The following USP29 variants were observed in gnomAD, a reference collection of about 807,000 sequenced individuals.
The protein encoded by USP29 is ubiquitin specific peptidase 29.
For missense variants in USP29, 1,102 were observed against 1,069.0 expected, an observed-to-expected ratio of 1.03 and a Z score of -0.43; for synonymous variants, 386 against 387.4, an observed-to-expected ratio of 1.00 and a Z score of 0.04.
In USP29 at chr19:57,131,456, G is replaced by C. The variant is rs115181243; in HGVS notation, c.*12G>C. On this transcript the variant is annotated 3_prime_UTR_variant, in exon 4 of 4. Coordinates refer to ENST00000254181, the MANE Select transcript of USP29 (RefSeq NM_020903.3). ...ACAGACCTGCTTGACAGACTCACTC[G>C]GCCTCACTTCATCCTTGCAAAGAGA... is the stretch of plus-strand genomic sequence containing the variant. 6.3e-7 allele frequency: 1 copy of C among 1,587,740 alleles called. No individual in the cohort carries two copies. The highest frequency in any genetic ancestry group is 8.6e-7 in the Non-Finnish European group (1 of 1,168,264).
chr19:57,121,237 G>A (rs1179127934), intron 1 of USP29, among the ~76,000 whole-genome samples: 1 of 148,870 alleles, frequency 6.7e-6, no homozygotes, highest in Non-Finnish European at 1.5e-5. Context: ...TGTTACACGT[G>A]TTGAAAATGT....
chr19:57,128,377 T>C (rs907164862), intron 3 of USP29, among the ~76,000 whole-genome samples: 8 of 152,190 alleles, frequency 5.3e-5, no homozygotes, highest in Non-Finnish European at 1.2e-4. Context: ...CAACCAAATT[T>C]GTATTTTCTC....
Position 57,130,931 on chromosome 19 carries a change from T to C in USP29, c.2256T>C (p.Pro752=), listed in dbSNP as rs771450216. ...ATGAATTTCTTCAGCAGGCACCACC[T>C]CCAGGTGTTAGGAAGCTGGATGCCC... ...IIDEFLQQAP[P]PGVRKLDAQE... is the part of the protein sequence containing the mutation. The change falls in exon 4 of 4, where the codon CCT becomes CCC. Residue 752 remains proline (P), a synonymous_variant. Coordinates refer to ENST00000254181, the MANE Select transcript of USP29 (RefSeq NM_020903.3). 1.2e-6 allele frequency: 2 copies of C among 1,614,160 alleles called. No homozygotes were observed. Among genetic ancestry groups the C allele is most frequent in the Non-Finnish European group, 8.5e-7 (1 of 1,180,038 alleles).
Position 57,130,186 on chromosome 19 carries a change from C to T in USP29, c.1511C>T (p.Ser504Phe), listed in dbSNP as rs2086848858. The T allele has an allele frequency of 6.2e-7, 1 of 1,614,028 alleles. No individual in the cohort carries two copies. Residue 504 changes from serine to phenylalanine, a missense_variant, in exon 4 of 4, where the codon TCC (serine) becomes TTC (phenylalanine). Ser to Phe is a radical substitution (Grantham distance 155). Transcript: ENST00000254181. ...CVARHTFSRL[S>F]RVLIIHLKRY... ...GCAAGGCATACATTTAGTAGGCTCT[C>T]CAGGGTCCTTATCATTCATCTGAAA...
rs1208745140 is a variant in USP29 at position 57,122,446 on chromosome 19, TCCA to T, written c.-144_-142del. 1.3e-5 allele frequency: 2 copies of T among 151,470 alleles called. No homozygotes were observed. Among genetic ancestry groups the T allele is most frequent in the African/African-American group, 2.4e-5 (1 of 41,204 alleles). The allele number at this position is 151,470 out of a possible 1,614,324, so 9.4% of individuals were successfully genotyped here. A position where few individuals can be genotyped will look rare whatever the true frequency, so the allele number is the denominator to read the frequency against. On this transcript the variant is annotated 5_prime_UTR_variant, in exon 2 of 4. Transcript: ENST00000254181. ...CTCATTTCTGAAAAAAGAATTATCA[TCCA>T]CTCACCCAGAACAGCTCTCCAAACT... is the stretch of plus-strand genomic sequence containing the variant.
In USP29 at chr19:57,128,957, G is replaced by C; in HGVS notation, c.282G>C (p.Gln94His). Residue 94 changes from glutamine to histidine, a missense_variant, in exon 4 of 4, where the codon CAG becomes CAC. Gln to His is a conservative substitution (Grantham distance 24). Transcript: ENST00000254181. ...IDKLSYRDAK[Q>H]LNMFLDIIHQ... ...AATTATCCTACAGAGATGCTAAACA[G>C]TTGAATATGTTCCTGGACATAATCC... 1 of 1,614,114 alleles carries C rather than the reference G, an allele frequency of 6.2e-7. No individual in the cohort carries two copies. Among genetic ancestry groups the C allele is most frequent in the Non-Finnish European group, 8.5e-7 (1 of 1,180,020 alleles).
chr19:57,125,591 CT>C (rs957187452), intron 3 of USP29, among the ~76,000 whole-genome samples: 20 of 151,562 alleles, frequency 1.3e-4, no homozygotes, highest in African/African-American at 4.6e-4. Flanking sequence ...GCAACCCATC[CT>C]TTTTTTTGCT....
In USP29 at chr19:57,130,800, ACT is replaced by A. The variant is rs758710766; in HGVS notation, c.2126_2127del (p.Thr709ArgfsTer8). 2.5e-6 allele frequency: 4 copies of A among 1,614,206 alleles called. No individual in the cohort carries two copies. In the East Asian group the frequency reaches 8.9e-5, roughly 36 times the overall value. ...TFVEFNFDSVTESTNGFYDCK... is the reference protein window; with the variant it reads ...TFVEFNFDSVXESTNGFYDCK... ...CGTAGAGTTCAATTTTGACAGTGTC[ACT>A]GAGTCCACCAATGGCTTTTATGACT... On this transcript the variant is annotated frameshift_variant, in exon 4 of 4. Coordinates refer to ENST00000254181, the MANE Select transcript of USP29 (RefSeq NM_020903.3). LOFTEE classifies it low-confidence loss of function (END_TRUNC).
chr19:57,129,968 A>G lies in USP29; in HGVS notation c.1293A>G (p.Glu431=). 6.2e-7 allele frequency: 1 copy of G among 1,614,186 alleles called. No individual in the cohort carries two copies. The highest frequency in any genetic ancestry group is 8.5e-7 in the Non-Finnish European group (1 of 1,180,036). ...CTGTTGTTGCTAATTTTGAGTTTGA[A>G]TTGCAGCTCTCCCTTATTTGTAAAG... ...VCPVVANFEF[E]LQLSLICKAC... The change falls in exon 4 of 4, where the codon GAA becomes GAG. Residue 431 remains glutamate (E), a synonymous_variant. Transcript: ENST00000254181.
Position 57,130,712 on chromosome 19 carries a change from G to A in USP29, c.2037G>A (p.Glu679=), listed in dbSNP as rs2086853692. Residue 679 remains glutamate, a synonymous_variant, in exon 4 of 4, where the codon GAG becomes GAA. Transcript: ENST00000254181. Reference sequence around the variant, plus strand: ...GCAGCCCAGACACAAGGCTTGTCGAGGTTCATCTTCAAGAGGTGCCTCAAC... The same window carrying A: ...GCAGCCCAGACACAAGGCTTGTCGAAGTTCATCTTCAAGAGGTGCCTCAAC... The part of the protein sequence containing the change: ...LISSPDTRLV[E]VHLQEVPQHP... 1.2e-6 allele frequency: 2 copies of A among 1,614,038 alleles called. No homozygotes were observed. The highest frequency in any genetic ancestry group is 1.6e-4 in the Middle Eastern group (1 of 6,084).
chr19:57,124,754 C>G (rs972206727), intron 3 of USP29, among the ~76,000 whole-genome samples: 2 of 152,122 alleles, frequency 1.3e-5, no homozygotes, highest in African/African-American at 4.8e-5. Flanking sequence ...GGTGATCCAC[C>G]TGCCTCAGCC....
intron 2 of USP29, among the ~76,000 whole-genome samples, chr19:57,123,130 C>T (rs1053395898): frequency 1.3e-5 from 2 of 152,140 alleles, no homozygotes; most frequent in African/African-American, 4.8e-5. Context: ...GTTTCTTTAG[C>T]TGAGTGACTC....
intron 3 of USP29, among the ~76,000 whole-genome samples, chr19:57,128,177 C>T (rs759277323): frequency 3.3e-5 from 5 of 152,176 alleles, no homozygotes; most frequent in South Asian, 2.1e-4. Flanking sequence ...GCATTGGTCT[C>T]GCTGGGAGCT....
chr19:57,128,880 C>G lies in USP29; in HGVS notation c.205C>G (p.Gln69Glu). The change falls in exon 4 of 4, where the codon CAA becomes GAA. Residue 69 changes from glutamine to glutamate, a missense_variant. Coordinates refer to ENST00000254181, the MANE Select transcript of USP29 (RefSeq NM_020903.3). The stretch of plus-strand genomic sequence containing the variant: ...GGTCCTTAGACATTGTAAAAAAAGA[C>G]AAAGTCACCTGCGTTTAACTTTGAA... ...SVVLRHCKKR[Q>E]SHLRLTLKNN... 4 of 1,613,262 alleles carry G rather than the reference C, an allele frequency of 2.5e-6. No individual in the cohort carries two copies. Among genetic ancestry groups the G allele is most frequent in the Non-Finnish European group, 2.5e-6 (3 of 1,179,782 alleles).
chr19:57,130,397 C>T lies in USP29; in HGVS notation c.1722C>T (p.Asn574=), dbSNP rs1568456474. The part of the protein sequence containing the change: ...EVSQEMISEI[N]SPLTPSMKLT... ...CTCAGGAGATGATTTCTGAGATCAA[C>T]AGCCCATTGACACCATCAATGAAGC... is the stretch of plus-strand genomic sequence containing the variant. Residue 574 remains asparagine, a synonymous_variant, in exon 4 of 4, where the codon AAC becomes AAT. Coordinates refer to ENST00000254181, the MANE Select transcript of USP29 (RefSeq NM_020903.3). 6.2e-7 allele frequency: 1 copy of T among 1,614,198 alleles called. No homozygotes were observed. The highest frequency in any genetic ancestry group is 2.2e-5 in the East Asian group (1 of 44,880).
In USP29 at chr19:57,129,710, G is replaced by T. The variant is rs569760158; in HGVS notation, c.1035G>T (p.Lys345Asn). The change falls in exon 4 of 4, where the codon AAG becomes AAT. Residue 345 changes from lysine to asparagine, a missense_variant. Lys to Asn is a moderately conservative substitution (Grantham distance 94). Coordinates refer to ENST00000254181, the MANE Select transcript of USP29 (RefSeq NM_020903.3). Reference protein sequence around the residue: ...LLALKDFCSTKIKRELLGNVK... With the variant: ...LLALKDFCSTNIKRELLGNVK... ...CTTTGAAAGATTTCTGTAGTACAAA[G>T]ATCAAGAGAGAATTACTTGGGAATG... The T allele has an allele frequency of 6.2e-7, 1 of 1,613,760 alleles. No homozygotes were observed. Among genetic ancestry groups the T allele is most frequent in the African/African-American group, 1.3e-5 (1 of 74,880 alleles).
chr19:57,120,788 CAAAAAAA>C (rs71293954), intron 1 of USP29, among the ~76,000 whole-genome samples: 12 of 31,146 alleles, frequency 3.9e-4, no homozygotes, highest in Admixed American at 1.4e-3. Flanking sequence ...GACTCCGTCT[CAAAAAAA>C]AAAAAAAAAA....
chr19:57,122,121 A>G (rs1409163282), intron 1 of USP29, among the ~76,000 whole-genome samples: 1 of 152,220 alleles, frequency 6.6e-6, no homozygotes, highest in Non-Finnish European at 1.5e-5. Flanking sequence ...TCTAAATAAA[A>G]GTTTTTAATT....
chr19:57,130,892 G>A lies in USP29; in HGVS notation c.2217G>A (p.Glu739=). 1 of 1,614,174 alleles carries A rather than the reference G, an allele frequency of 6.2e-7. No individual in the cohort carries two copies. The highest frequency in any genetic ancestry group is 8.5e-7 in the Non-Finnish European group (1 of 1,180,034). ...GMAEQLQQCI[E]ESIIDEFLQQ... ...CTGAACAGCTCCAGCAGTGTATTGA[G>A]GAGAGCATCATAGATGAATTTCTTC... The change falls in exon 4 of 4, where the codon GAG becomes GAA. Residue 739 remains glutamate (E), a synonymous_variant. Transcript: ENST00000254181.
Sources: allele counts gnomAD v4.1 joint callset (sites outside exome capture counted in the v4.1 genomes callset), GRCh38; gene constraint gnomAD v4.1.1; transcripts MANE v1.5; gene names NCBI Gene and HGNC (gene_info 2026-07-23, HGNC 2026-07-21).